Variants in PCDHGB4 observed in about 807,000 individuals in gnomAD.
The protein encoded by PCDHGB4 is protocadherin gamma-B4.
Under a neutral mutation model 60.5 loss-of-function variants are expected in PCDHGB4, and 38 were observed. That is an observed-to-expected ratio of 0.63 (90% confidence interval 0.48 to 0.82). The LOEUF is 0.82. Among genes scored for constraint, PCDHGB4 ranks in the 40% least tolerant of loss-of-function variants. PCDHGB4 has a pLI of 0.00. For synonymous variants in PCDHGB4, 456 were observed against 509.7 expected (o/e 0.89, Z 1.42); for missense variants, 1,109 against 1,209.6 (o/e 0.92, Z 1.23).
At chr5:141,393,101 C>T (rs891971324) in intron 1 of PCDHGB4, 2 of 1,613,564 alleles carry the variant, frequency 1.2e-6, no homozygotes, top group Non-Finnish European at 1.7e-6. Flanking sequence ...AGGAGCTCTG[C>T]GCTCAGAGCC....
At chr5:141,456,215 C>T (rs1465130067) in intron 1 of PCDHGB4, among the ~76,000 whole-genome samples, 2 of 152,048 alleles carry the variant, frequency 1.3e-5, no homozygotes, top group African/African-American at 2.4e-5. Flanking sequence ...CTCCCTGTGG[C>T]GATATCAAAC....
chr5:141,486,637 G>A lies in PCDHGB4; in HGVS notation c.2398-8170G>A, dbSNP rs761072169. On this transcript the variant is annotated intron_variant, in intron 1 of 3. Transcript: ENST00000519479. The surrounding 1 kb of genome is among the most constrained non-coding windows in gnomAD (Gnocchi z 5.0). ...CTGACCCAGACTCTGGCTTGAATGC[G>A]CTTATCTCCTACTCACTCCTGGAGC... 3.1e-5 allele frequency: 50 copies of A among 1,613,520 alleles called. No individual in the cohort carries two copies. The highest frequency in any genetic ancestry group is 5.0e-5 in the Admixed American group (3 of 60,000).
At chr5:141,430,076 T>C (rs2097260023) in intron 1 of PCDHGB4, among the ~76,000 whole-genome samples, 1 of 152,208 alleles carries the variant, frequency 6.6e-6, no homozygotes, top group South Asian at 2.1e-4. Context: ...GTTTCCATAA[T>C]ATCATGAAAA....
rs369206085 is a variant in PCDHGB4 at position 141,490,515 on chromosome 5, G to A, written c.2398-4292G>A. On this transcript the variant is annotated intron_variant, in intron 1 of 3. Transcript: ENST00000519479. The surrounding 1 kb of genome is among the most constrained non-coding windows in gnomAD (Gnocchi z 5.4). ...CATCCCACTATATCATCGAGCTGCT[G>A]GCCAGCGATGCTGGTTCACCTTCCC... The A allele has an allele frequency of 2.3e-5, 37 of 1,613,840 alleles. No individual in the cohort carries two copies. In the Middle Eastern group the frequency reaches 1.2e-3, roughly 50 times the overall value.
rs1247556723 is a variant in PCDHGB4 at position 141,489,841 on chromosome 5, G to A, written c.2398-4966G>A. 6.2e-7 allele frequency: 1 copy of A among 1,614,224 alleles called. No individual in the cohort carries two copies. The highest frequency in any genetic ancestry group is 1.7e-5 in the Admixed American group (1 of 60,032). On this transcript the variant is annotated intron_variant, in intron 1 of 3. Coordinates refer to ENST00000519479, the MANE Select transcript of PCDHGB4 (RefSeq NM_003736.4). The surrounding 1 kb of genome is among the most constrained non-coding windows in gnomAD (Gnocchi z 4.5). Reference sequence around the variant, plus strand: ...AGAGCTGGTGCTAGAGCAGCAGCTGGATCGTGAAGCCCAGGCAAGACATCA... The same window carrying A: ...AGAGCTGGTGCTAGAGCAGCAGCTGAATCGTGAAGCCCAGGCAAGACATCA...
At position 141,403,597 on chromosome 5, in the gene PCDHGB4, G is replaced by T. The variant is rs772486529; in HGVS notation, c.2397+13316G>T. On this transcript the variant is annotated intron_variant, in intron 1 of 3. Transcript: ENST00000519479. ...CCCACCACCTGGTCCTCACGGCCTC[G>T]GATGGCGGCGAGCCGCGTCGCTCCA... The T allele has an allele frequency of 1.3e-5, 21 of 1,613,692 alleles. No individual in the cohort carries two copies. The African/African-American group carries it at 2.5e-4, about 19-fold the overall frequency.
intron 2 of PCDHGB4, among the ~76,000 whole-genome samples, chr5:141,499,010 AAGG>A (rs2099788390): frequency 6.6e-6 from 1 of 151,098 alleles, no homozygotes; most frequent in Non-Finnish European, 1.5e-5. Context: ...GGAAGGAAGG[AAGG>A]AAGGAAGGAA....
intron 2 of PCDHGB4, among the ~76,000 whole-genome samples, chr5:141,497,894 A>AG (rs1562181617): frequency 2.0e-5 from 3 of 152,186 alleles, no homozygotes; most frequent in Admixed American, 6.5e-5. Context: ...GATCTAGTCC[A>AG]GTAACTTCAA....
intron 1 of PCDHGB4, chr5:141,428,361 C>T (rs1285334430): frequency 9.0e-6 from 5 of 556,646 alleles, no homozygotes; most frequent in South Asian, 7.5e-5. Context: ...TTTTGGCGGT[C>T]GCCTTGCACC....
rs372043756 is a variant in PCDHGB4 at position 141,476,212 on chromosome 5, C to G, written c.2398-18595C>G. ...GTGCCTTGAACAAGGCTTCCACGGT[C>G]ATTCACTATGAGATCCCGGAGGAAA... On this transcript the variant is annotated intron_variant, in intron 1 of 3. Coordinates refer to ENST00000519479, the MANE Select transcript of PCDHGB4 (RefSeq NM_003736.4). The surrounding 1 kb of genome is among the most constrained non-coding windows in gnomAD (Gnocchi z 7.6). 6 of 1,613,932 alleles carry G rather than the reference C, an allele frequency of 3.7e-6. No individual in the cohort carries two copies. The highest frequency in any genetic ancestry group is 5.1e-6 in the Non-Finnish European group (6 of 1,180,012).
At chr5:141,415,352 C>T in intron 1 of PCDHGB4, 1 of 1,614,228 alleles carries the variant, frequency 6.2e-7, no homozygotes, top group Non-Finnish European at 8.5e-7. Context: ...TGGCACAAGT[C>T]ACGCCTGCTG....
chr5:141,472,980 C>CAAAAAAAAAAAAAAAAAAAGAAAAAAAAA (rs60579131), intron 1 of PCDHGB4, among the ~76,000 whole-genome samples: 1 of 86,106 alleles, frequency 1.2e-5, no homozygotes, highest in Admixed American at 1.2e-4. Context: ...GAGTGAAACT[C>CAAAAAAAAAAAAAAAAAAAGAAAAAAAAA]AAAAAAAAAA....
At chr5:141,397,699 C>A (rs1304915257) in intron 1 of PCDHGB4, among the ~76,000 whole-genome samples, 1 of 152,158 alleles carries the variant, frequency 6.6e-6, no homozygotes, top group Non-Finnish European at 1.5e-5. Flanking sequence ...AAAAACCCAA[C>A]GTGATATTTC....
chr5:141,418,351 G>A, intron 1 of PCDHGB4: 1 of 1,614,026 alleles, frequency 6.2e-7, no homozygotes, highest in Non-Finnish European at 8.5e-7. Flanking sequence ...ATATTAGTAT[G>A]AATTCGCTGA....
At chr5:141,395,092 C>CT (rs2093168204) in intron 1 of PCDHGB4, 4 of 1,614,088 alleles carry the variant, frequency 2.5e-6, no homozygotes, top group Non-Finnish European at 3.4e-6. Context: ...GTCTCCCTCA[C>CT]CGCCGACTCG....
chr5:141,458,933 A>G (rs920768063), intron 1 of PCDHGB4, among the ~76,000 whole-genome samples: 3 of 151,912 alleles, frequency 2.0e-5, no homozygotes, highest in Admixed American at 6.6e-5. Flanking sequence ...GGGTCTCACT[A>G]TGTTGCTTAG....
chr5:141,491,152 G>A lies in PCDHGB4; in HGVS notation c.2398-3655G>A. 1 of 1,614,168 alleles carries A rather than the reference G, an allele frequency of 6.2e-7. No homozygotes were observed. The highest frequency in any genetic ancestry group is 8.5e-7 in the Non-Finnish European group (1 of 1,179,990). On this transcript the variant is annotated intron_variant, in intron 1 of 3. Transcript: ENST00000519479. The surrounding 1 kb of genome is among the most constrained non-coding windows in gnomAD (Gnocchi z 6.9). ...CACAGCCCGGGCCTTACTGGAGGAT[G>A]ACTCTGACACCCAGCAGGTGGTGGT...
intron 1 of PCDHGB4, among the ~76,000 whole-genome samples, chr5:141,464,263 T>TA (rs35224477): frequency 7.1e-4 from 74 of 103,538 alleles, no homozygotes; most frequent in East Asian, 1.9e-3. Flanking sequence ...AGACTCCGTC[T>TA]AAAAAAAAAA....
intron 1 of PCDHGB4, among the ~76,000 whole-genome samples, chr5:141,437,145 T>C (rs191316470): frequency 3.9e-5 from 6 of 152,364 alleles, no homozygotes; most frequent in Admixed American, 3.9e-4. Flanking sequence ...GGATTCATAA[T>C]TAACATATGT....
Sources: gnomAD v4.1 joint callset for allele counts (sites outside exome capture counted in the v4.1 genomes callset) on GRCh38, gnomAD v4.1.1 for gene constraint, Gnocchi (gnomAD v3.1) non-coding constraint, MANE v1.5 for transcripts, NCBI Gene and HGNC (gene_info 2026-07-23, HGNC 2026-07-21) for gene names.